BICC1: variants seen among roughly 807,000 people sequenced by gnomAD.
BICC1 encodes the protein BicC family RNA binding protein 1.
Under a neutral mutation model 111.0 loss-of-function variants are expected in BICC1, and 43 were observed. That is an observed-to-expected ratio of 0.39 (90% CI 0.30 to 0.50). The LOEUF (loss-of-function observed/expected upper bound fraction) is 0.50. Among genes scored for constraint, BICC1 ranks in the 20% least tolerant of loss-of-function variants. BICC1 has a pLI of 0.88. For missense variants in BICC1, 1,091 were observed against 1,203.2 expected (o/e 0.91, Z 1.38); for synonymous variants, 467 against 434.4 (o/e 1.07, Z -0.93).
intron 12 of BICC1, 113 bp downstream of exon 12, chr10:58,799,365 G>A (rs1843465130): frequency 1.0e-5 from 7 of 676,568 alleles, no homozygotes; most frequent in Middle Eastern, 4.5e-4. Flanking sequence ...CTGTTTGTAA[G>A]AGATAAACCC....
At chr10:58,641,723 G>T (rs1294955597) in intron 2 of BICC1, among the ~76,000 whole-genome samples, 8 of 152,062 alleles carry the variant, frequency 5.3e-5, no homozygotes, top group African/African-American at 1.4e-4. Flanking sequence ...TTAACAATGT[G>T]GTTATATAGA....
intron 2 of BICC1, among the ~76,000 whole-genome samples, chr10:58,646,579 C>G (rs561314432): frequency 6.6e-6 from 1 of 152,144 alleles, no homozygotes; most frequent in Admixed American, 6.5e-5. Flanking sequence ...TACTATTAAC[C>G]CTTTATATTT....
chr10:58,518,855 T>C lies in BICC1; in HGVS notation c.190+5522T>C, dbSNP rs375471347. ...ATGCACTGAGAGGGGCAGTAAAACC[T>C]CACGCTCACGGGCATGGAGCAAGCA... On this transcript the variant is annotated intron_variant, in intron 1 of 20. Transcript: ENST00000373886. Among the ~76,000 whole-genome samples the C allele has an allele frequency of 3.3e-5, 5 of 152,244 alleles. No individual in the cohort carries two copies. In the East Asian group the frequency reaches 9.7e-4, roughly 29 times the overall value.
chr10:58,601,528 G>A (rs1190502791), intron 1 of BICC1, among the ~76,000 whole-genome samples: 6 of 151,830 alleles, frequency 4.0e-5, no homozygotes, highest in Non-Finnish European at 7.4e-5. Flanking sequence ...AAGATGACAT[G>A]TTTGTGGCAG....
chr10:58,717,740 T>C (rs910951481), intron 3 of BICC1, among the ~76,000 whole-genome samples: 1 of 152,234 alleles, frequency 6.6e-6, no homozygotes, highest in African/African-American at 2.4e-5. Context: ...TTATGTTGCG[T>C]AAATTCTTAA....
intron 3 of BICC1, among the ~76,000 whole-genome samples, chr10:58,709,212 G>A (rs189763020): frequency 3.6e-4 from 54 of 152,024 alleles, no homozygotes; most frequent in African/African-American, 1.1e-3. Context: ...CTATACCACC[G>A]TCCCACACCA....
At chr10:58,774,091 C>G (rs1422630569) in intron 3 of BICC1, among the ~76,000 whole-genome samples, 3 of 152,172 alleles carry the variant, frequency 2.0e-5, no homozygotes, top group Non-Finnish European at 2.9e-5. Flanking sequence ...ACTATTTGCC[C>G]TCTGTTCCAA....
chr10:58,818,311 A>G (rs1279038752), intron 19 of BICC1, among the ~76,000 whole-genome samples: 1 of 152,148 alleles, frequency 6.6e-6, no homozygotes, highest in South Asian at 2.1e-4. Context: ...GCCATATCCT[A>G]TTATGTACTG....
rs751379394 is a variant in BICC1, at chr10:58,513,273, C to T, written c.130C>T (p.Pro44Ser). 6.2e-7 allele frequency: 1 copy of T among 1,612,866 alleles called. No homozygotes were observed. Among genetic ancestry groups the T allele is most frequent in the African/African-American group, 1.3e-5 (1 of 74,902 alleles). The change falls in exon 1 of 21, where the codon CCG (proline) becomes TCG (serine). Residue 44 changes from proline (P) to serine (S), a missense_variant. Pro to Ser is a moderately conservative substitution (Grantham distance 74, BLOSUM62 -1). Around this residue, in one of 3 missense-constraint regions of BICC1, gnomAD observed 843 missense variants for 900.8 expected, o/e 0.94. Coordinates refer to ENST00000373886, the MANE Select transcript of BICC1 (RefSeq NM_001080512.3). Reference protein sequence around the residue: ...DLVAGATLHSPEWSEERFRVD... With the variant: ...DLVAGATLHSSEWSEERFRVD... ...GGTCGCCGGGGCGACCCTGCACAGC[C>T]CGGAGTGGAGCGAGGAGCGCTTCCG...
intron 2 of BICC1, among the ~76,000 whole-genome samples, chr10:58,662,184 C>T (rs1361303539): frequency 1.3e-5 from 2 of 151,870 alleles, no homozygotes; most frequent in African/African-American, 4.8e-5. Flanking sequence ...TCCCTCCAGG[C>T]CAAAATACAA....
At chr10:58,803,566 C>A (rs2393501) in intron 15 of BICC1, among the ~76,000 whole-genome samples, 115,429 of 152,030 alleles carry the variant, frequency 0.76, 44,003 homozygotes, top group African/African-American at 0.81. Context: ...TCTAAGTATT[C>A]TTGCTTCATG....
intron 3 of BICC1, among the ~76,000 whole-genome samples, chr10:58,742,078 A>G (rs1841685157): frequency 1.3e-5 from 2 of 152,206 alleles, no homozygotes; most frequent in African/African-American, 4.8e-5. Context: ...AAAATTGGCC[A>G]TTAAAGTTTG....
rs1487950247 is a variant in BICC1 at position 58,817,551 on chromosome 10, T to C, written c.2534-11T>C. On this transcript the variant is annotated splice_polypyrimidine_tract_variant and intron_variant, in intron 18 of 20. Transcript: ENST00000373886. The stretch of plus-strand genomic sequence containing the variant: ...TTTACACTTCAAGCCTGTCTCTCCT[T>C]TGCCTTTCAGCGGAACACTATCTCA... 4 of 1,613,128 alleles carry C rather than the reference T, an allele frequency of 2.5e-6. No homozygotes were observed. The highest frequency in any genetic ancestry group is 3.4e-6 in the Non-Finnish European group (4 of 1,179,468).
intron 3 of BICC1, among the ~76,000 whole-genome samples, chr10:58,750,972 C>A (rs771903404): frequency 1.2e-4 from 19 of 152,078 alleles, no homozygotes; most frequent in Non-Finnish European, 2.5e-4. Context: ...TTTTCTTTTT[C>A]TCTTTCTCTG....
intron 3 of BICC1, among the ~76,000 whole-genome samples, chr10:58,743,629 G>A (rs1841739951): frequency 6.6e-6 from 1 of 152,070 alleles, no homozygotes; most frequent in Admixed American, 6.6e-5. Context: ...TATCATGCTA[G>A]CTTCAGTGCA....
intron 2 of BICC1, among the ~76,000 whole-genome samples, chr10:58,686,571 T>C (rs1839733617): frequency 6.6e-6 from 1 of 152,148 alleles, no homozygotes; most frequent in Non-Finnish European, 1.5e-5. Context: ...TCATGTCTTT[T>C]TACTCTTTTT....
At chr10:58,559,505 T>C (rs1488014386) in intron 1 of BICC1, among the ~76,000 whole-genome samples, 2 of 152,160 alleles carry the variant, frequency 1.3e-5, no homozygotes, top group South Asian at 2.1e-4. Context: ...GTGGAGACTT[T>C]AGGTTTTTCT....
At chr10:58,667,378 C>T (rs902457758) in intron 2 of BICC1, among the ~76,000 whole-genome samples, 2 of 151,862 alleles carry the variant, frequency 1.3e-5, no homozygotes, top group African/African-American at 4.8e-5. Flanking sequence ...AAGTCTGGTC[C>T]CATTTGTTCA....
At chr10:58,525,945 A>T (rs190336523) in intron 1 of BICC1, among the ~76,000 whole-genome samples, 9 of 151,942 alleles carry the variant, frequency 5.9e-5, no homozygotes, top group Admixed American at 1.3e-4. Context: ...GTTGAAAAAA[A>T]TTTTTTATAG....
Sources: allele counts gnomAD v4.1 joint callset (sites outside exome capture counted in the v4.1 genomes callset), GRCh38; gene constraint gnomAD v4.1.1; regional missense constraint gnomAD v4.1.1; transcripts MANE v1.5; gene names NCBI Gene and HGNC (gene_info 2026-07-23, HGNC 2026-07-21).